Variants in LMNTD1 observed in about 807,000 individuals in gnomAD.
LMNTD1 encodes the protein lamin tail domain containing 1, also known as lamin tail domain-containing protein 1.
LMNTD1 carries 35 observed loss-of-function variants against 50.9 expected under a neutral mutation model. That is an observed-to-expected ratio of 0.69 (90% confidence interval 0.53 to 0.91). The LOEUF (loss-of-function observed/expected upper bound fraction) is 0.91. Ranked by LOEUF, LMNTD1 falls within the 40% of genes least tolerant of loss-of-function variation. The pLI is 0.00. For missense variants in LMNTD1, 470 were observed against 475.5 expected, an observed-to-expected ratio of 0.99 and a Z score of 0.11; for synonymous variants, 153 against 161.9, an observed-to-expected ratio of 0.94 and a Z score of 0.42.
chr12:25,647,676 AT>A (rs1166772101), intron 1 of LMNTD1, among the ~76,000 whole-genome samples: 2 of 152,252 alleles, frequency 1.3e-5, no homozygotes, highest in Non-Finnish European at 1.5e-5. Context: ...GAATAAATAC[AT>A]GAATACACCA....
intron 9 of LMNTD1, among the ~76,000 whole-genome samples, chr12:25,486,284 C>T (rs1222801371): frequency 6.8e-6 from 1 of 147,140 alleles, no homozygotes; most frequent in Non-Finnish European, 1.5e-5. Context: ...AATGGGAGTT[C>T]ACTCATGATT....
intron 2 of LMNTD1, among the ~76,000 whole-genome samples, chr12:25,550,989 T>C (rs899218836): frequency 1.3e-5 from 2 of 152,176 alleles, no homozygotes; most frequent in Non-Finnish European, 2.9e-5. Flanking sequence ...CTCTAACCTA[T>C]GAAGATACAC....
intron 1 of LMNTD1, among the ~76,000 whole-genome samples, chr12:25,561,713 G>C (rs538405830): frequency 2.0e-5 from 3 of 152,094 alleles, no homozygotes; most frequent in Admixed American, 1.3e-4. Flanking sequence ...TTTCTGTCTC[G>C]TTGATCTGTC....
chr12:25,610,313 T>C (rs1233770794), intron 1 of LMNTD1, among the ~76,000 whole-genome samples: 3 of 152,088 alleles, frequency 2.0e-5, no homozygotes, highest in Non-Finnish European at 2.9e-5. Flanking sequence ...CAATATCCCG[T>C]CCTGCTTCAG....
Position 25,518,778 on chromosome 12 carries a change from GC to G in LMNTD1, c.1189+16del, listed in dbSNP as rs1565960384. The G allele has an allele frequency of 4.3e-6, 7 of 1,612,404 alleles. No individual in the cohort carries two copies. The South Asian group carries it at 7.7e-5, about 18-fold the overall frequency. ...ACACACGCACTCTCCACTGGAACAA[GC>G]ACTCTTTTAACTGACCTGAGGCTCG... is the stretch of plus-strand genomic sequence containing the variant. On this transcript the variant is annotated intron_variant, in intron 8 of 9. Transcript: ENST00000458174.
At chr12:25,497,914 A>C (rs1459293190) in intron 9 of LMNTD1, 1 of 152,166 alleles carries the variant, frequency 6.6e-6, no homozygotes, top group Admixed American at 6.5e-5. Flanking sequence ...CTTCATGGTC[A>C]CCACTGATAA....
At chr12:25,498,976 G>C (rs566538327) in intron 9 of LMNTD1, among the ~76,000 whole-genome samples, 11 of 152,286 alleles carry the variant, frequency 7.2e-5, no homozygotes, top group African/African-American at 1.9e-4. Context: ...AAGGTGTTCA[G>C]AGTCTTTCCA....
At chr12:25,582,519 G>A (rs1218329963) in intron 1 of LMNTD1, 2 of 152,146 alleles carry the variant, frequency 1.3e-5, no homozygotes, top group Non-Finnish European at 2.9e-5. Flanking sequence ...TATTCAATAG[G>A]AGACCTCAAA....
chr12:25,555,076 A>T (rs1016880538), upstream of LMNTD1, among the ~76,000 whole-genome samples: 1 of 152,028 alleles, frequency 6.6e-6, no homozygotes, highest in Non-Finnish European at 1.5e-5. Context: ...AAAAAAAAAA[A>T]AAAAAGATTA....
chr12:25,564,979 G>T lies in LMNTD1; in HGVS notation c.59-18425C>A, dbSNP rs150271705. On this transcript the variant is annotated intron_variant, in intron 1 of 7. Transcript: ENST00000445693. ...ATTGACCCCTTTATCATTATATAGT[G>T]ACCTTCTTTGTCTCTTCTTATAGAT... 1.5e-4 allele frequency among the ~76,000 whole-genome samples: 23 copies of T among 152,200 alleles called. No individual in the cohort carries two copies. In the East Asian group the frequency reaches 4.4e-3, roughly 29 times the overall value.
chr12:25,547,483 T>G (rs1943503456), intron 3 of LMNTD1: 1 of 151,738 alleles, frequency 6.6e-6, no homozygotes, highest in Non-Finnish European at 1.5e-5. Context: ...AGTACAGAGT[T>G]TTGGTTAATG....
intron 7 of LMNTD1, 100 bp from the exon 8 acceptor site, chr12:25,519,067 G>A: frequency 8.9e-7 from 1 of 1,119,444 alleles, no homozygotes; most frequent in Non-Finnish European, 1.3e-6. Context: ...TCAAAACCAA[G>A]AGAATATGAC....
intron 4 of LMNTD1, among the ~76,000 whole-genome samples, chr12:25,545,335 T>C (rs1943367368): frequency 6.6e-6 from 1 of 151,648 alleles, no homozygotes; most frequent in Non-Finnish European, 1.5e-5. Flanking sequence ...CAAATTCTTT[T>C]CTCTCACAGT....
intron 1 of LMNTD1, among the ~76,000 whole-genome samples, chr12:25,589,964 C>T (rs1041536434): frequency 6.6e-6 from 1 of 152,164 alleles, no homozygotes; most frequent in African/African-American, 2.4e-5. Context: ...GTGGGAATTA[C>T]AAACCCAGAG....
intron 1 of LMNTD1, among the ~76,000 whole-genome samples, chr12:25,635,240 C>CAA (rs35630911): frequency 1.7e-3 from 190 of 113,402 alleles, no homozygotes; most frequent in Middle Eastern, 4.3e-3. Context: ...AACTCTGTCT[C>CAA]AAAAAAAAAA....
At chr12:25,538,227 A>G (rs1288303466) in intron 4 of LMNTD1, among the ~76,000 whole-genome samples, 1 of 82,690 alleles carries the variant, frequency 1.2e-5, no homozygotes, top group Non-Finnish European at 2.9e-5. Flanking sequence ...AGAGAACGCC[A>G]CAAAGATACT....
At chr12:25,502,715 A>G (rs369602362) in intron 9 of LMNTD1, among the ~76,000 whole-genome samples, 1 of 152,320 alleles carries the variant, frequency 6.6e-6, no homozygotes, top group East Asian at 1.9e-4. Context: ...TCACATTTTC[A>G]GGAAGTTGGC....
intron 1 of LMNTD1, among the ~76,000 whole-genome samples, chr12:25,615,072 A>T (rs1401140279): frequency 6.6e-6 from 1 of 152,208 alleles, no homozygotes. Flanking sequence ...AAAGGACGTC[A>T]ACCGATAAAT....
intron 4 of LMNTD1, 44 bp from the exon 5 acceptor site, chr12:25,526,999 A>C (rs1425881648): frequency 7.3e-7 from 1 of 1,365,742 alleles, no homozygotes; most frequent in South Asian, 1.4e-5. Context: ...TTCAGATAGG[A>C]GTGTCTTTGA....
Sources: gnomAD v4.1 joint callset for allele counts (sites outside exome capture counted in the v4.1 genomes callset) on GRCh38, gnomAD v4.1.1 for gene constraint, MANE v1.5 for transcripts, NCBI Gene and HGNC (gene_info 2026-07-23, HGNC 2026-07-21) for gene names.